TMEM175: variants seen among roughly 807,000 people sequenced by gnomAD.
TMEM175 encodes endosomal/lysosomal proton channel TMEM175.
Under a neutral mutation model 36.5 loss-of-function variants are expected in TMEM175, and 36 were observed. The ratio of observed to expected loss-of-function variants is 0.99; its 90% CI spans 0.76 to 1.30. The LOEUF (loss-of-function observed/expected upper bound fraction) is 1.30. TMEM175 is among the 50% of genes most tolerant of loss of function. The probability of loss-of-function intolerance (pLI) is 0.00; values close to 1 mark genes in which losing one functional copy is unlikely to be tolerated. For synonymous variants in TMEM175, 339 were observed against 313.4 expected (o/e 1.08, Z -0.86); for missense variants, 705 against 692.8 (o/e 1.02, Z -0.20).
intron 1 of TMEM175, among the ~76,000 whole-genome samples, chr4:937,220 A>G (rs1012972712): frequency 3.2e-4 from 49 of 152,176 alleles, no homozygotes; most frequent in Admixed American, 2.2e-3. Context: ...AAATAGCTCT[A>G]TGTCTATTAA....
rs1560499115 is a variant in TMEM175 at position 955,852 on chromosome 4, C to G, written c.804C>G (p.Val268=). ...GCGTGGAAGCCTTCAGCGACGGAGT[C>G]TACGCCATCGTGGCCACGCTTCTCA... is the stretch of plus-strand genomic sequence containing the variant. ...KERVEAFSDG[V]YAIVATLLIL... is the part of the protein sequence containing the mutation. The change falls in exon 10 of 11, where the codon GTC becomes GTG. Residue 268 remains valine (V), a synonymous_variant. Coordinates refer to ENST00000264771, the MANE Select transcript of TMEM175 (RefSeq NM_032326.4). 1 of 1,613,950 alleles carries G rather than the reference C, an allele frequency of 6.2e-7. No individual in the cohort carries two copies. Among genetic ancestry groups the G allele is most frequent in the African/African-American group, 1.3e-5 (1 of 74,938 alleles).
chr4:956,356 G>C (rs1421051137), intron 10 of TMEM175: 1 of 1,290,854 alleles, frequency 7.7e-7, no homozygotes, highest in Admixed American at 2.3e-5. Flanking sequence ...CTTCCTTCCA[G>C]CGTCTGCTCC....
chr4:948,325 G>A, intron 3 of TMEM175, 171 bp downstream of exon 3: 2 of 1,543,136 alleles, frequency 1.3e-6, no homozygotes, highest in Non-Finnish European at 1.7e-6. Context: ...AACAAGTCCT[G>A]CTCAGCCTGT....
At position 958,405 on chromosome 4, in the gene TMEM175, T is replaced by G. The variant is rs559908608; in HGVS notation, c.1424T>G (p.Val475Gly). The stretch of plus-strand genomic sequence containing the variant: ...GGCCTGGCCCTGGCCACCCTGCGGG[T>G]CCTGCGGGGCCTCGCCCGGCCCGAA... ...LVGLALATLR[V>G]LRGLARPEHP... Residue 475 changes from valine (V) to glycine (G), a missense_variant, in exon 11 of 11, where the codon GTC (valine) becomes GGC (glycine). Coordinates refer to ENST00000264771, the MANE Select transcript of TMEM175 (RefSeq NM_032326.4). 4 of 1,599,982 alleles carry G rather than the reference T, an allele frequency of 2.5e-6. No homozygotes were observed. The highest frequency in any genetic ancestry group is 1.7e-5 in the Admixed American group (1 of 59,920).
At chr4:956,543 A>G in intron 10 of TMEM175, 13 of 1,083,792 alleles carry the variant, frequency 1.2e-5, no homozygotes, top group South Asian at 2.8e-5. Context: ...CCCAGGTTCA[A>G]GCAATTCTCC....
In TMEM175 at chr4:942,691, G is replaced by A. The variant is rs555672194; in HGVS notation, c.-31-5018G>A. 1.1e-4 allele frequency among the ~76,000 whole-genome samples: 16 copies of A among 149,656 alleles called. No individual in the cohort carries two copies. The East Asian group carries it at 1.4e-3, about 13-fold the overall frequency. ...GTCTCACTCTGTCACCCAGGATGGC[G>A]TACAGTGGTGCAATCTCAGCTCACT... On this transcript the variant is annotated intron_variant, in intron 1 of 10. Coordinates refer to ENST00000264771, the MANE Select transcript of TMEM175 (RefSeq NM_032326.4).
chr4:954,030 C>T lies in TMEM175; in HGVS notation c.627+676C>T, dbSNP rs527334482. On this transcript the variant is annotated intron_variant, in intron 8 of 10. Transcript: ENST00000264771. ...TTTTTCTTGAGACGGAGTTTTGCTG[C>T]CAGGCTGGAGTGCACTGGCGCAATC... Among the ~76,000 whole-genome samples the T allele has an allele frequency of 2.0e-4, 30 of 151,412 alleles. No individual in the cohort carries two copies. In the South Asian group the frequency reaches 4.6e-3, roughly 23 times the overall value.
chr4:936,780 C>G (rs1241335241), intron 1 of TMEM175, among the ~76,000 whole-genome samples: 1 of 152,094 alleles, frequency 6.6e-6, no homozygotes, highest in African/African-American at 2.4e-5. Context: ...ATGGTGAAAC[C>G]CCATCTCTAC....
At position 950,423 on chromosome 4, in the gene TMEM175, G is replaced by A. The variant is rs750126652; in HGVS notation, c.195G>A (p.Gln65=). Reference sequence around the variant, plus strand: ...ACAGCAGTGCTCTTGTATTCCAGCAGTTCGACAGAAGTGTACAGAGGCTTC... The same window carrying A: ...ACAGCAGTGCTCTTGTATTCCAGCAATTCGACAGAAGTGTACAGAGGCTTC... ...VTHTEISPEQ[Q]FDRSVQRLLA... Residue 65 remains glutamine, a splice_region_variant and synonymous_variant, in exon 4 of 11, where the codon CAG becomes CAA. Coordinates refer to ENST00000264771, the MANE Select transcript of TMEM175 (RefSeq NM_032326.4). 33 of 1,612,966 alleles carry A rather than the reference G, an allele frequency of 2.0e-5. No homozygotes were observed. Among genetic ancestry groups the A allele is most frequent in the Admixed American group, 8.3e-5 (5 of 59,988 alleles).
chr4:948,152 C>A lies in TMEM175; in HGVS notation c.190C>A (p.Gln64Lys). The A allele has an allele frequency of 6.2e-7, 1 of 1,614,192 alleles. No homozygotes were observed. The highest frequency in any genetic ancestry group is 8.5e-7 in the Non-Finnish European group (1 of 1,180,052). The change falls in exon 3 of 11, where the codon CAG becomes AAG. Residue 64 changes from glutamine (Q) to lysine (K), a missense_variant and splice_region_variant. Gln to Lys is a moderately conservative substitution (Grantham distance 53). Transcript: ENST00000264771. Reference protein sequence around the residue: ...PVTHTEISPEQQFDRSVQRLL... With the variant: ...PVTHTEISPEKQFDRSVQRLL... Reference sequence around the variant, plus strand: ...GACCCACACGGAGATCTCCCCAGAACAGGTAACGGGGCAGGCTGTGCTCTG... The same window carrying A: ...GACCCACACGGAGATCTCCCCAGAAAAGGTAACGGGGCAGGCTGTGCTCTG...
intron 6 of TMEM175, 89 bp from the exon 7 acceptor site, chr4:952,278 G>A: frequency 2.6e-6 from 3 of 1,169,744 alleles, no homozygotes; most frequent in Non-Finnish European, 3.8e-6. Context: ...GTCCCGTGGA[G>A]TGGGGAGGCT....
intron 10 of TMEM175, chr4:956,431 G>C: frequency 7.8e-7 from 1 of 1,278,740 alleles, no homozygotes; most frequent in Non-Finnish European, 1.0e-6. Context: ...TCACGTTTTT[G>C]GTTTTTGTGG....
intron 10 of TMEM175, 131 bp downstream of exon 10, chr4:956,021 T>C (rs1324990106): frequency 1.7e-6 from 2 of 1,205,668 alleles, no homozygotes; most frequent in African/African-American, 1.5e-5. Context: ...CCTAGAGTTT[T>C]GTGTGAGGTC....
At chr4:939,924 A>G (rs1727233045) in intron 1 of TMEM175, among the ~76,000 whole-genome samples, 1 of 152,226 alleles carries the variant, frequency 6.6e-6, no homozygotes, top group Non-Finnish European at 1.5e-5. Context: ...GAAGAACTTT[A>G]TAATATGCTG....
chr4:953,393 G>T lies in TMEM175; in HGVS notation c.627+39G>T, dbSNP rs199973749. ...CAGCCCGTGGGGCCCAGGCAGGAACGGGGGCCACCATAGGAGCAATGTCCC... is the reference window on the plus strand; with the variant it reads ...CAGCCCGTGGGGCCCAGGCAGGAACTGGGGCCACCATAGGAGCAATGTCCC... On this transcript the variant is annotated intron_variant, in intron 8 of 10. Transcript: ENST00000264771. 7 of 1,564,378 alleles carry T rather than the reference G, an allele frequency of 4.5e-6. No individual in the cohort carries two copies. In the South Asian group the frequency reaches 8.3e-5, roughly 19 times the overall value.
At position 955,429 on chromosome 4, in the gene TMEM175, ATCC is replaced by A; in HGVS notation, c.659_661del (p.Leu220del). Reference sequence around the variant, plus strand: ...GTCTTACCTGCTGATGGTGACTGTCATCCTCCTCCCCTATGTCAGCAAGGTCAC... The same window carrying A: ...GTCTTACCTGCTGATGGTGACTGTCATCCTCCCCTATGTCAGCAAGGTCAC... On this transcript the variant is annotated inframe_deletion, in exon 9 of 11. Coordinates refer to ENST00000264771, the MANE Select transcript of TMEM175 (RefSeq NM_032326.4). 7 of 1,614,132 alleles carry A rather than the reference ATCC, an allele frequency of 4.3e-6. No homozygotes were observed. The highest frequency in any genetic ancestry group is 5.9e-6 in the Non-Finnish European group (7 of 1,180,002).
intron 3 of TMEM175, chr4:948,644 T>C (rs1456581863): frequency 8.1e-7 from 1 of 1,240,230 alleles, no homozygotes; most frequent in East Asian, 5.7e-5. Flanking sequence ...ACAAGCAGAG[T>C]TTCCACCTTG....
intron 1 of TMEM175, among the ~76,000 whole-genome samples, chr4:941,631 G>C: frequency 6.6e-6 from 1 of 151,842 alleles, no homozygotes; most frequent in East Asian, 2.0e-4. Flanking sequence ...TAGAGGTGGG[G>C]TTTCATGTTG....
At chr4:948,951 A>T (rs777265503) in intron 3 of TMEM175, among the ~76,000 whole-genome samples, 12 of 152,174 alleles carry the variant, frequency 7.9e-5, no homozygotes, top group African/African-American at 2.7e-4. Flanking sequence ...TAGGGTTTTC[A>T]TAAGTAGAAA....
Sources: gnomAD v4.1 joint callset for allele counts (sites outside exome capture counted in the v4.1 genomes callset) on GRCh38, gnomAD v4.1.1 for gene constraint, MANE v1.5 for transcripts, NCBI Gene and HGNC (gene_info 2026-07-23, HGNC 2026-07-21) for gene names.